Variants in ESR1 observed in about 807,000 individuals in gnomAD.
The protein encoded by ESR1 is estrogen receptor.
ESR1 carries 12 observed loss-of-function variants against 52.7 expected under a neutral mutation model. The ratio of observed to expected loss-of-function variants is 0.23; its 90% CI spans 0.15 to 0.37. The LOEUF (loss-of-function observed/expected upper bound fraction) is 0.37, where lower values mean the gene tolerates loss of function less well. Ranked by LOEUF, ESR1 falls within the 10% of genes least tolerant of loss-of-function variation. The pLI, the probability that ESR1 is intolerant of heterozygous loss-of-function variation, is 1.00. For missense variants in ESR1, 584 were observed against 779.7 expected (o/e 0.75, Z 2.99); for synonymous variants, 305 against 316.8 (o/e 0.96, Z 0.39).
chr6:151,734,947 G>A (rs1205347764), intron 2 of ESR1, among the ~76,000 whole-genome samples: 5 of 152,046 alleles, frequency 3.3e-5, no homozygotes, highest in South Asian at 2.1e-4. Context: ...TTAAAAAAAT[G>A]TGAAAACTGA....
chr6:151,807,850 G>A lies in ESR1; in HGVS notation c.-63G>A. On this transcript the variant is annotated 5_prime_UTR_variant, in exon 1 of 8. Transcript: ENST00000206249. ...GCTGTGCTCTTTTTCCAGGTGGCCCGCCGGTTTCTGAGCCTTCTGCCCTGC... is the reference window on the plus strand; with the variant it reads ...GCTGTGCTCTTTTTCCAGGTGGCCCACCGGTTTCTGAGCCTTCTGCCCTGC... 1 of 1,467,324 alleles carries A rather than the reference G, an allele frequency of 6.8e-7. No homozygotes were observed. Among genetic ancestry groups the A allele is most frequent in the Non-Finnish European group, 9.5e-7 (1 of 1,057,834 alleles). The allele number at this position is 1,467,324 out of a possible 1,614,324, so 90.9% of individuals were successfully genotyped here.
chr6:151,868,182 C>T (rs1790298238), intron 2 of ESR1, among the ~76,000 whole-genome samples: 1 of 152,076 alleles, frequency 6.6e-6, no homozygotes. Context: ...GGCTAGAGTG[C>T]AATGGCTTGA....
chr6:151,926,729 A>G (rs2032808966), intron 3 of ESR1, among the ~76,000 whole-genome samples: 1 of 152,108 alleles, frequency 6.6e-6, no homozygotes, highest in South Asian at 2.1e-4. Flanking sequence ...TATTAGTTCC[A>G]GGGGAGATTT....
At position 152,099,020 on chromosome 6, in the gene ESR1, T is replaced by C. The variant is rs1411605672; in HGVS notation, c.*54T>C. ...TAATCCCTGCTGCATTTTACCCTCA[T>C]CATGCACCACTTTAGCCAAATTCTG... On this transcript the variant is annotated 3_prime_UTR_variant, in exon 8 of 8. Transcript: ENST00000206249. The C allele has an allele frequency of 3.3e-5, 49 of 1,477,170 alleles. No individual in the cohort carries two copies. The highest frequency in any genetic ancestry group is 4.6e-5 in the Non-Finnish European group (49 of 1,062,056). The allele number at this position is 1,477,170 out of a possible 1,614,324, so 91.5% of individuals were successfully genotyped here. A position where few individuals can be genotyped will look rare whatever the true frequency, so the allele number is the denominator to read the frequency against.
At chr6:152,066,671 T>A (rs1474339110) in intron 6 of ESR1, among the ~76,000 whole-genome samples, 4 of 152,222 alleles carry the variant, frequency 2.6e-5, no homozygotes, top group Non-Finnish European at 5.9e-5. Flanking sequence ...AGGCAGCCAC[T>A]CAACTTTGGA....
rs151020329 is a variant in ESR1 at position 151,875,150 on chromosome 6, G to A, written c.644-5505G>A. Among the ~76,000 whole-genome samples, 594 of 152,314 alleles carry A rather than the reference G, an allele frequency of 3.9e-3. 1 individual carries two copies. The highest frequency in any genetic ancestry group is 6.2e-3 in the Non-Finnish European group (423 of 68,034). On this transcript the variant is annotated intron_variant, in intron 2 of 7. Coordinates refer to ENST00000206249, the MANE Select transcript of ESR1 (RefSeq NM_000125.4). ...AGTGAGGATAATTCATGAGCAATGC[G>A]TGGCTTCATGGATCCCTTCCTGGCC...
intron 2 of ESR1, among the ~76,000 whole-genome samples, chr6:151,786,663 G>T (rs1165116322): frequency 2.9e-5 from 4 of 138,346 alleles, no homozygotes; most frequent in Admixed American, 1.6e-4. Context: ...GACATATAAA[G>T]AATTATTAAG....
At chr6:152,077,654 C>T (rs911313291) in intron 6 of ESR1, among the ~76,000 whole-genome samples, 6 of 152,236 alleles carry the variant, frequency 3.9e-5, no homozygotes, top group Non-Finnish European at 7.3e-5. Context: ...CTATGGGAAC[C>T]TACCTCTTGC....
At chr6:151,683,137 T>A (rs142277983) in intron 1 of ESR1, among the ~76,000 whole-genome samples, 63 of 152,356 alleles carry the variant, frequency 4.1e-4, no homozygotes, top group African/African-American at 1.4e-3. Flanking sequence ...GATGTCATTA[T>A]CTAGTTTTGT....
chr6:151,936,302 G>GC (rs1311813051), intron 3 of ESR1: 13 of 152,280 alleles, frequency 8.5e-5, no homozygotes, highest in African/African-American at 3.1e-4. Context: ...AGGAAATGAG[G>GC]CCCCTAAACT....
chr6:151,680,763 T>G (rs191674772), intron 1 of ESR1, among the ~76,000 whole-genome samples: 5 of 152,292 alleles, frequency 3.3e-5, no homozygotes, highest in Non-Finnish European at 5.9e-5. Flanking sequence ...GTCAGGGATC[T>G]TTGTCTCTTT....
intron 5 of ESR1, among the ~76,000 whole-genome samples, chr6:152,020,131 T>A (rs1459320344): frequency 6.6e-6 from 1 of 152,234 alleles, no homozygotes; most frequent in African/African-American, 2.4e-5. Flanking sequence ...CTATGGATTC[T>A]GAGTGAAAAC....
At chr6:151,755,320 C>T (rs78248970) in intron 2 of ESR1, among the ~76,000 whole-genome samples, 2,720 of 152,078 alleles carry the variant, frequency 0.018, 77 homozygotes, top group African/African-American at 0.053. Context: ...TACAATGAGT[C>T]CTATCTTGAT....
intron 2 of ESR1, among the ~76,000 whole-genome samples, chr6:151,862,344 T>A (rs1789037357): frequency 6.6e-6 from 1 of 152,228 alleles, no homozygotes; most frequent in African/African-American, 2.4e-5. Context: ...CACCTGATAA[T>A]AGCTGGCTCC....
intron 3 of ESR1, among the ~76,000 whole-genome samples, chr6:151,884,638 T>C (rs1793544612): frequency 6.6e-6 from 1 of 152,250 alleles, no homozygotes; most frequent in Non-Finnish European, 1.5e-5. Flanking sequence ...TAATCTGTTA[T>C]AATACTTACT....
intron 1 of ESR1, among the ~76,000 whole-genome samples, chr6:151,830,109 T>A (rs2128211841): frequency 6.6e-6 from 1 of 152,320 alleles, no homozygotes; most frequent in Admixed American, 6.5e-5. Flanking sequence ...GGGGCCAATG[T>A]GTAAGCAGGT....
chr6:151,736,670 C>T (rs1583068331), intron 2 of ESR1, among the ~76,000 whole-genome samples: 1 of 151,884 alleles, frequency 6.6e-6, no homozygotes, highest in African/African-American at 2.4e-5. Context: ...TGAGCCACCG[C>T]GCCTGGCCCA....
chr6:151,798,728 T>G (rs1222479728), intron 2 of ESR1, among the ~76,000 whole-genome samples: 4 of 152,188 alleles, frequency 2.6e-5, no homozygotes, highest in East Asian at 1.9e-4. Context: ...ACAAGTAGGG[T>G]TTTTTGCTGT....
intron 2 of ESR1, among the ~76,000 whole-genome samples, chr6:151,866,681 T>C (rs911409351): frequency 3.3e-5 from 5 of 152,210 alleles, no homozygotes; most frequent in African/African-American, 1.2e-4. Context: ...GGCTGCATAG[T>C]ATTCCATGGT....
Sources: allele counts gnomAD v4.1 joint callset (sites outside exome capture counted in the v4.1 genomes callset), GRCh38; gene constraint gnomAD v4.1.1; transcripts MANE v1.5; gene names NCBI Gene and HGNC (gene_info 2026-07-23, HGNC 2026-07-21).